UNC5D: variants seen among roughly 807,000 people sequenced by gnomAD.
The protein encoded by UNC5D is netrin receptor UNC5D.
In UNC5D, 39 loss-of-function variants were observed where a neutral mutation model predicts 105.4. That is an observed-to-expected ratio of 0.37 (90% CI 0.29 to 0.48). The LOEUF (loss-of-function observed/expected upper bound fraction) is 0.48, where lower values mean the gene tolerates loss of function less well. Ranked by LOEUF, UNC5D falls within the 20% of genes least tolerant of loss-of-function variation. UNC5D has a pLI of 0.98. For missense variants in UNC5D, 991 were observed against 1,202.4 expected (o/e 0.82, Z 2.60); for synonymous variants, 452 against 450.4 (o/e 1.00, Z -0.04).
rs1387903971 is a variant in UNC5D, at chr8:35,460,708, G to T, written c.104-88584G>T. Among the ~76,000 whole-genome samples the T allele has an allele frequency of 3.3e-5, 5 of 152,210 alleles. No homozygotes were observed. In the East Asian group the frequency reaches 9.6e-4, roughly 29 times the overall value. On this transcript the variant is annotated intron_variant, in intron 1 of 16. Coordinates refer to ENST00000404895, the MANE Select transcript of UNC5D (RefSeq NM_080872.4). ...AGCTGCTTGAAGCCTTTGCACGCAT[G>T]TTGGAGACAATTTTCCTTATCTATC...
At chr8:35,658,920 G>A (rs766709535) in intron 4 of UNC5D, among the ~76,000 whole-genome samples, 2 of 152,108 alleles carry the variant, frequency 1.3e-5, no homozygotes, top group African/African-American at 2.4e-5. Context: ...CTTCCAAAGC[G>A]CTGGGATTAC....
chr8:35,614,077 A>G (rs1820862406), intron 4 of UNC5D, among the ~76,000 whole-genome samples: 1 of 152,252 alleles, frequency 6.6e-6, no homozygotes, highest in Admixed American at 6.5e-5. Context: ...TATTAACAGT[A>G]GAATCTGCAC....
chr8:35,323,466 G>C (rs1809910822), intron 1 of UNC5D, among the ~76,000 whole-genome samples: 1 of 151,816 alleles, frequency 6.6e-6, no homozygotes, highest in Non-Finnish European at 1.5e-5. Context: ...ACCCCCTTTA[G>C]TCTGCCCTTC....
At chr8:35,782,844 A>G (rs1802565788) in intron 16 of UNC5D, among the ~76,000 whole-genome samples, 1 of 152,068 alleles carries the variant, frequency 6.6e-6, no homozygotes, top group South Asian at 2.1e-4. Flanking sequence ...AGCTAAATTA[A>G]AAACAGTGGC....
chr8:35,273,618 C>G (rs1805573680), intron 1 of UNC5D, among the ~76,000 whole-genome samples: 1 of 152,062 alleles, frequency 6.6e-6, no homozygotes. Flanking sequence ...GTATTTTTCC[C>G]CAAGGAAATT....
At chr8:35,573,885 G>T (rs964260942) in intron 3 of UNC5D, among the ~76,000 whole-genome samples, 1 of 152,128 alleles carries the variant, frequency 6.6e-6, no homozygotes, top group African/African-American at 2.4e-5. Context: ...AATTGCGGAG[G>T]CCTAGTTTCA....
chr8:35,264,815 G>C (rs1299486095), intron 1 of UNC5D, among the ~76,000 whole-genome samples: 1 of 152,042 alleles, frequency 6.6e-6, no homozygotes, highest in Non-Finnish European at 1.5e-5. Context: ...TGCCTACTCA[G>C]GCTATTGGCA....
At chr8:35,592,802 A>C (rs1365330238) in intron 3 of UNC5D, among the ~76,000 whole-genome samples, 1 of 152,024 alleles carries the variant, frequency 6.6e-6, no homozygotes, top group Non-Finnish European at 1.5e-5. Context: ...ATAGTGCCCT[A>C]GTTGTTCCCT....
chr8:35,683,768 GAA>G, intron 5 of UNC5D, 41 bp downstream of exon 5: 2 of 1,442,970 alleles, frequency 1.4e-6, no homozygotes, highest in Non-Finnish European at 1.8e-6. Flanking sequence ...AGGGAGGGCA[GAA>G]AGAGGTAGAG....
chr8:35,299,172 T>C (rs1807730568), intron 1 of UNC5D, among the ~76,000 whole-genome samples: 1 of 152,174 alleles, frequency 6.6e-6, no homozygotes, highest in African/African-American at 2.4e-5. Context: ...CATTTGAGCT[T>C]GAAGGACCAA....
At position 35,388,982 on chromosome 8, in the gene UNC5D, C is replaced by T. The variant is rs1009429267; in HGVS notation, c.103+153095C>T. On this transcript the variant is annotated intron_variant, in intron 1 of 16. Transcript: ENST00000404895. Reference sequence around the variant, plus strand: ...AGGCATTTTTTTCAATGTTCATTGACGGTGTTCATTGTCATTGTTTCTGTT... The same window carrying T: ...AGGCATTTTTTTCAATGTTCATTGATGGTGTTCATTGTCATTGTTTCTGTT... 3.9e-5 allele frequency among the ~76,000 whole-genome samples: 6 copies of T among 152,118 alleles called. No individual in the cohort carries two copies. The East Asian group carries it at 5.8e-4, about 15-fold the overall frequency.
At chr8:35,313,332 T>C (rs769312197) in intron 1 of UNC5D, among the ~76,000 whole-genome samples, 3 of 152,182 alleles carry the variant, frequency 2.0e-5, no homozygotes, top group Non-Finnish European at 4.4e-5. Context: ...CCTCTGATAC[T>C]GTATTTGATG....
chr8:35,563,648 A>T (rs879930052), intron 2 of UNC5D, among the ~76,000 whole-genome samples: 39 of 152,194 alleles, frequency 2.6e-4, no homozygotes, highest in Middle Eastern at 3.4e-3. Flanking sequence ...GACTTCCAGT[A>T]CTATGTTGAA....
intron 1 of UNC5D, among the ~76,000 whole-genome samples, chr8:35,440,104 C>T (rs867018305): frequency 6.6e-6 from 1 of 152,008 alleles, no homozygotes; most frequent in Non-Finnish European, 1.5e-5. Flanking sequence ...AACTCTATCA[C>T]GCTGGTGACC....
chr8:35,724,435 T>C, intron 9 of UNC5D: 1 of 896,288 alleles, frequency 1.1e-6, no homozygotes, highest in Non-Finnish European at 1.6e-6. Context: ...GCCTTTTAAA[T>C]AGAATGCCAT....
chr8:35,709,179 G>T (rs149580235), intron 8 of UNC5D, among the ~76,000 whole-genome samples: 5 of 152,044 alleles, frequency 3.3e-5, no homozygotes, highest in Non-Finnish European at 7.4e-5. Flanking sequence ...ATGCTAGGAG[G>T]TGTTCTGGGT....
rs5890816 is a variant in UNC5D, at chr8:35,482,793, C to CTTT, written c.104-66475_104-66473dup. On this transcript the variant is annotated intron_variant, in intron 1 of 16. Transcript: ENST00000404895. ...TATATCAGTGTGTCATTAAAGAGAT[C>CTTT]TTTTTTTTTTTTTTTTTTTTTTTTT... Among the ~76,000 whole-genome samples, 532 of 78,152 alleles carry CTTT rather than the reference C, an allele frequency of 6.8e-3. 149 individuals carry two copies. Among genetic ancestry groups the CTTT allele is most frequent in the African/African-American group, 0.025 (454 of 18,236 alleles). 51.3% of individuals were successfully genotyped at this position (78,152 alleles called of 152,430 possible). A position where few individuals can be genotyped will look rare whatever the true frequency, so the allele number is the denominator to read the frequency against.
At chr8:35,348,245 A>G (rs1811945499) in intron 1 of UNC5D, among the ~76,000 whole-genome samples, 2 of 151,860 alleles carry the variant, frequency 1.3e-5, no homozygotes, top group Admixed American at 6.6e-5. Context: ...AATTATATAT[A>G]TATTAGTCTG....
chr8:35,480,445 A>G (rs2243786), intron 1 of UNC5D, among the ~76,000 whole-genome samples: 70,020 of 152,036 alleles, frequency 0.46, 20,101 homozygotes, highest in African/African-American at 0.82. Context: ...TGGTGTTAAC[A>G]TGACTTGGTC....
Sources: gnomAD v4.1 joint callset for allele counts (sites outside exome capture counted in the v4.1 genomes callset) on GRCh38, gnomAD v4.1.1 for gene constraint, MANE v1.5 for transcripts, NCBI Gene and HGNC (gene_info 2026-07-23, HGNC 2026-07-21) for gene names.